The following ESRRG variants were observed in gnomAD, a reference collection of about 807,000 sequenced individuals.
ESRRG encodes estrogen-related receptor gamma.
ESRRG carries 13 observed loss-of-function variants against 44.0 expected under a neutral mutation model. The observed-to-expected ratio is 0.30, with a 90% CI of 0.19 to 0.47. The LOEUF (loss-of-function observed/expected upper bound fraction) is 0.47. ESRRG is among the 20% of genes least tolerant of loss of function. ESRRG has a pLI of 1.00. For missense variants in ESRRG, 395 were observed against 580.6 expected (o/e 0.68, Z 3.29); for synonymous variants, 215 against 214.6 (o/e 1.00, Z -0.02).
At chr1:216,589,903 CA>C (rs58458686) in intron 3 of ESRRG, among the ~76,000 whole-genome samples, 91 of 32,222 alleles carry the variant, frequency 2.8e-3, no homozygotes, top group Admixed American at 4.4e-3. Flanking sequence ...AACTCTGTCT[CA>C]AAAAAAAAAA....
chr1:216,507,238 T>C, intron 6 of ESRRG, 55 bp from the exon 7 acceptor site: 1 of 1,168,406 alleles, frequency 8.6e-7, no homozygotes, highest in African/African-American at 1.5e-5. Context: ...CAAACCTATG[T>C]AGACTAGAGT....
intron 2 of ESRRG, among the ~76,000 whole-genome samples, chr1:216,900,027 C>T (rs1470885845): frequency 6.6e-6 from 1 of 152,176 alleles, no homozygotes; most frequent in African/African-American, 2.4e-5. Flanking sequence ...TCCTTCATCC[C>T]TCGCTTTTGT....
chr1:216,911,700 A>G (rs1464874502), intron 2 of ESRRG, among the ~76,000 whole-genome samples: 1 of 152,114 alleles, frequency 6.6e-6, no homozygotes, highest in African/African-American at 2.4e-5. Context: ...AGGGAGGGGT[A>G]TATGGAAACT....
chr1:216,764,074 T>A (rs1008855010), intron 2 of ESRRG, among the ~76,000 whole-genome samples: 1 of 152,146 alleles, frequency 6.6e-6, no homozygotes, highest in African/African-American at 2.4e-5. Context: ...GGGGCTCTTG[T>A]TAATCACACA....
rs139330953 is a variant in ESRRG, at chr1:216,649,721, C to G, written c.589+1252G>C. 3.2e-3 allele frequency among the ~76,000 whole-genome samples: 485 copies of G among 152,218 alleles called. 3 individuals carry two copies. Among genetic ancestry groups the G allele is most frequent in the African/African-American group, 0.01 (426 of 41,558 alleles). On this transcript the variant is annotated intron_variant, in intron 3 of 6. Transcript: ENST00000408911. Reference sequence around the variant, plus strand: ...GACTAGAAGAATTTGAGAGTGTCTTCTTTGTTCCTATTTGATAAGTGAAAG... The same window carrying G: ...GACTAGAAGAATTTGAGAGTGTCTTGTTTGTTCCTATTTGATAAGTGAAAG...
chr1:216,595,466 A>T, intron 3 of ESRRG, among the ~76,000 whole-genome samples: 1 of 152,246 alleles, frequency 6.6e-6, no homozygotes, highest in East Asian at 1.9e-4. Context: ...AACATGCACA[A>T]AAAGAACCTG....
chr1:217,004,458 G>A (rs949925453), intron 1 of ESRRG, among the ~76,000 whole-genome samples: 1 of 152,170 alleles, frequency 6.6e-6, no homozygotes, highest in Non-Finnish European at 1.5e-5. Flanking sequence ...ACATGCCCTT[G>A]CTTCTCCTTT....
chr1:216,551,798 T>C (rs894012699), intron 5 of ESRRG, among the ~76,000 whole-genome samples: 3 of 152,166 alleles, frequency 2.0e-5, no homozygotes, highest in African/African-American at 7.2e-5. Flanking sequence ...GATTTATTAT[T>C]GGGTGTGCCT....
chr1:216,695,552 G>T (rs1421673869), intron 1 of ESRRG, among the ~76,000 whole-genome samples: 1 of 152,066 alleles, frequency 6.6e-6, no homozygotes, highest in East Asian at 1.9e-4. Context: ...GATCATATTT[G>T]ACTTTGTATC....
At chr1:216,732,110 T>TA (rs565228672) in intron 2 of ESRRG, among the ~76,000 whole-genome samples, 9,003 of 136,682 alleles carry the variant, frequency 0.066, 338 homozygotes, top group African/African-American at 0.098. Context: ...AAATAAAAAA[T>TA]AAAAAAAGAA....
At chr1:216,904,037 G>A (rs765484805) in intron 2 of ESRRG, among the ~76,000 whole-genome samples, 20 of 152,100 alleles carry the variant, frequency 1.3e-4, no homozygotes, top group Non-Finnish European at 1.8e-4. Context: ...TTCCTCACCT[G>A]CAAAACAAGC....
At chr1:216,763,295 C>A (rs2092899998) in intron 2 of ESRRG, among the ~76,000 whole-genome samples, 1 of 151,958 alleles carries the variant, frequency 6.6e-6, no homozygotes, top group Non-Finnish European at 1.5e-5. Context: ...CTTTAGGAGG[C>A]ACCATAATTT....
At chr1:216,663,585 C>T (rs6690660) in intron 2 of ESRRG, among the ~76,000 whole-genome samples, 26,790 of 151,834 alleles carry the variant, frequency 0.18, 2,455 homozygotes, top group Middle Eastern at 0.2. Context: ...AATACAGCAA[C>T]TTTTTGTTAA....
intron 2 of ESRRG, among the ~76,000 whole-genome samples, chr1:216,797,012 C>T (rs1015300625): frequency 6.6e-6 from 1 of 152,102 alleles, no homozygotes; most frequent in African/African-American, 2.4e-5. Context: ...CTCCCTCAGC[C>T]TCCCGAGTAG....
At chr1:216,513,314 T>G (rs1206041694) in intron 6 of ESRRG, among the ~76,000 whole-genome samples, 1 of 152,156 alleles carries the variant, frequency 6.6e-6, no homozygotes, top group Non-Finnish European at 1.5e-5. Context: ...GGCAGAAATA[T>G]CAAGGAAGCC....
chr1:216,859,786 GA>G (rs1559895468), intron 2 of ESRRG, among the ~76,000 whole-genome samples: 1 of 152,092 alleles, frequency 6.6e-6, no homozygotes, highest in African/African-American at 2.4e-5. Context: ...CTGCATCCCA[GA>G]AAAAGCTAAG....
chr1:216,907,059 C>T (rs1053328110), intron 2 of ESRRG, among the ~76,000 whole-genome samples: 4 of 152,104 alleles, frequency 2.6e-5, no homozygotes, highest in African/African-American at 4.8e-5. Context: ...GGGTAGGACC[C>T]GTCACACTGG....
chr1:216,750,801 G>GT (rs1256242389), intron 2 of ESRRG, among the ~76,000 whole-genome samples: 3 of 151,702 alleles, frequency 2.0e-5, no homozygotes, highest in African/African-American at 7.3e-5. Flanking sequence ...AATTTAAACT[G>GT]TTTCACTTGA....
chr1:217,120,688 T>A (rs1049418814), intron 1 of ESRRG, among the ~76,000 whole-genome samples: 5 of 152,218 alleles, frequency 3.3e-5, no homozygotes, highest in Admixed American at 3.3e-4. Context: ...TCTTAATATA[T>A]GATTTTTGAA....
Sources: allele counts gnomAD v4.1 joint callset (sites outside exome capture counted in the v4.1 genomes callset), GRCh38; gene constraint gnomAD v4.1.1; transcripts MANE v1.5; gene names NCBI Gene and HGNC (gene_info 2026-07-23, HGNC 2026-07-21).